The following HS3ST5 variants were observed in gnomAD, a reference collection of about 807,000 sequenced individuals.
HS3ST5 encodes the protein heparan sulfate glucosamine 3-O-sulfotransferase 5.
Under a neutral mutation model 25.4 loss-of-function variants are expected in HS3ST5, and 10 were observed. The ratio of observed to expected loss-of-function variants is 0.39; its 90% CI spans 0.24 to 0.67. The LOEUF (loss-of-function observed/expected upper bound fraction) is 0.67, where lower values mean the gene tolerates loss of function less well. Ranked by LOEUF, HS3ST5 falls within the 30% of genes least tolerant of loss-of-function variation. The probability of loss-of-function intolerance (pLI) is 0.44; values close to 1 mark genes in which losing one functional copy is unlikely to be tolerated. For missense variants in HS3ST5, 324 were observed against 420.7 expected, an observed-to-expected ratio of 0.77 and a Z score of 2.01; for synonymous variants, 170 against 162.4, an observed-to-expected ratio of 1.05 and a Z score of -0.36.
At chr6:114,067,103 T>C (rs1192349227) in intron 3 of HS3ST5, among the ~76,000 whole-genome samples, 1 of 152,150 alleles carries the variant, frequency 6.6e-6, no homozygotes, top group Non-Finnish European at 1.5e-5. Context: ...TGGCCTGGGA[T>C]ATCTTTCCTA....
chr6:114,323,016 T>C (rs1776028636), intron 1 of HS3ST5, among the ~76,000 whole-genome samples: 1 of 152,152 alleles, frequency 6.6e-6, no homozygotes, highest in Non-Finnish European at 1.5e-5. Flanking sequence ...AATGCTGCTC[T>C]GCTGGTCGGG....
intron 1 of HS3ST5, among the ~76,000 whole-genome samples, chr6:114,341,045 A>G (rs1392789517): frequency 2.0e-5 from 3 of 151,706 alleles, no homozygotes; most frequent in African/African-American, 7.3e-5. Context: ...GTGCTATTAA[A>G]TGTATCCACG....
At chr6:114,242,221 T>C (rs1318605624) in intron 1 of HS3ST5, among the ~76,000 whole-genome samples, 1 of 152,232 alleles carries the variant, frequency 6.6e-6, no homozygotes, top group Non-Finnish European at 1.5e-5. Context: ...ATGACTTTTA[T>C]ATTGATTACA....
chr6:114,060,940 G>A (rs761976778), intron 4 of HS3ST5, among the ~76,000 whole-genome samples: 52 of 152,268 alleles, frequency 3.4e-4, no homozygotes, highest in Middle Eastern at 3.4e-3. Flanking sequence ...GTTTAGGATT[G>A]GAAGGGATGG....
intron 4 of HS3ST5, among the ~76,000 whole-genome samples, chr6:114,061,989 AT>A (rs1773144726): frequency 6.6e-6 from 1 of 152,156 alleles, no homozygotes; most frequent in African/African-American, 2.4e-5. Context: ...GAAGCTTCAC[AT>A]TTCAGAAATT....
At chr6:114,194,729 T>C (rs1780659776) in intron 2 of HS3ST5, among the ~76,000 whole-genome samples, 3 of 152,134 alleles carry the variant, frequency 2.0e-5, no homozygotes, top group Admixed American at 2.0e-4. Flanking sequence ...TTTTAGAACA[T>C]GGGTCCCATG....
At chr6:114,273,132 C>T (rs996228652) in intron 1 of HS3ST5, among the ~76,000 whole-genome samples, 2 of 151,922 alleles carry the variant, frequency 1.3e-5, no homozygotes, top group African/African-American at 4.8e-5. Context: ...TGAAATAATG[C>T]CATTGAGAGA....
chr6:114,335,381 G>A (rs1776568621), intron 1 of HS3ST5, among the ~76,000 whole-genome samples: 1 of 151,540 alleles, frequency 6.6e-6, no homozygotes, highest in South Asian at 2.1e-4. Flanking sequence ...TTAGTGACCA[G>A]AGTTAGGAAA....
At chr6:114,314,125 G>A (rs1582809890) in intron 1 of HS3ST5, among the ~76,000 whole-genome samples, 5 of 152,012 alleles carry the variant, frequency 3.3e-5, no homozygotes, top group Admixed American at 2.0e-4. Context: ...ATGGGGTTTC[G>A]CCATGTTGGC....
intron 1 of HS3ST5, among the ~76,000 whole-genome samples, chr6:114,303,797 T>TA (rs1775182038): frequency 6.6e-6 from 1 of 152,200 alleles, no homozygotes; most frequent in African/African-American, 2.4e-5. Context: ...ATTTCTAAAA[T>TA]ATCTACAAAA....
chr6:114,149,383 A>G (rs1004342771), intron 3 of HS3ST5, among the ~76,000 whole-genome samples: 2 of 152,234 alleles, frequency 1.3e-5, no homozygotes, highest in African/African-American at 4.8e-5. Flanking sequence ...AATGTACACC[A>G]TGGAATACTA....
intron 1 of HS3ST5, among the ~76,000 whole-genome samples, chr6:114,324,795 C>T (rs1156976855): frequency 6.6e-6 from 1 of 152,162 alleles, no homozygotes; most frequent in African/African-American, 2.4e-5. Flanking sequence ...GGATGGGCTC[C>T]ACAGGTCTGA....
intron 1 of HS3ST5, among the ~76,000 whole-genome samples, chr6:114,246,634 G>C (rs1056312838): frequency 1.3e-5 from 2 of 152,146 alleles, no homozygotes; most frequent in African/African-American, 4.8e-5. Flanking sequence ...ATTAAGAGAA[G>C]AAAAGAACAA....
At chr6:114,097,253 A>C (rs1351690777) in intron 3 of HS3ST5, among the ~76,000 whole-genome samples, 2 of 151,978 alleles carry the variant, frequency 1.3e-5, no homozygotes, top group Non-Finnish European at 2.9e-5. Context: ...TTTAAATTGT[A>C]AATACTAATA....
At chr6:114,187,406 C>G (rs1780277553) in intron 2 of HS3ST5, among the ~76,000 whole-genome samples, 1 of 152,114 alleles carries the variant, frequency 6.6e-6, no homozygotes, top group Non-Finnish European at 1.5e-5. Flanking sequence ...TCATGGATGA[C>G]TTTGAGGGGT....
In HS3ST5 at chr6:114,128,002, A is replaced by G. The variant is rs557403608; in HGVS notation, c.-33+40349T>C. ...AGCCTGCTTCCTCTAATACAACCAT[A>G]CAGCTGCCTGAAAAAGGAAAAAGTA... On this transcript the variant is annotated intron_variant, in intron 3 of 4. Transcript: ENST00000312719. Among the ~76,000 whole-genome samples the G allele has an allele frequency of 7.2e-5, 11 of 151,778 alleles. No individual in the cohort carries two copies. In the South Asian group the frequency reaches 1.7e-3, roughly 23 times the overall value.
chr6:114,154,560 T>C (rs1488971924), intron 3 of HS3ST5, among the ~76,000 whole-genome samples: 1 of 152,210 alleles, frequency 6.6e-6, no homozygotes, highest in Non-Finnish European at 1.5e-5. Context: ...TCATTGTAAC[T>C]GTGACATATT....
intron 3 of HS3ST5, among the ~76,000 whole-genome samples, chr6:114,138,749 T>C (rs1313185163): frequency 6.6e-6 from 1 of 152,200 alleles, no homozygotes; most frequent in African/African-American, 2.4e-5. Flanking sequence ...AAGATAGTAA[T>C]GGTGAGTTGT....
chr6:114,262,318 A>C (rs1268703004), intron 1 of HS3ST5, among the ~76,000 whole-genome samples: 1 of 152,144 alleles, frequency 6.6e-6, no homozygotes, highest in Admixed American at 6.5e-5. Flanking sequence ...GAGGTCGAGG[A>C]GGGCTGATCA....
Sources: allele counts gnomAD v4.1 joint callset (sites outside exome capture counted in the v4.1 genomes callset), GRCh38; gene constraint gnomAD v4.1.1; transcripts MANE v1.5; gene names NCBI Gene and HGNC (gene_info 2026-07-23, HGNC 2026-07-21).